The following DYNC2H1 variants were observed in gnomAD, a reference collection of about 807,000 sequenced individuals.
DYNC2H1 encodes the protein cytoplasmic dynein 2 heavy chain 1.
A neutral mutation model predicts 570.0 loss-of-function variants in DYNC2H1; 410 were observed. The observed-to-expected ratio is 0.72, with a 90% CI of 0.66 to 0.78. DYNC2H1 has a LOEUF of 0.78. Ranked by LOEUF, DYNC2H1 falls within the 30% of genes least tolerant of loss-of-function variation. The pLI, the probability that DYNC2H1 is intolerant of heterozygous loss-of-function variation, is 0.00. For missense variants in DYNC2H1, 4,865 were observed against 5,046.4 expected (o/e 0.96, Z 1.09); for synonymous variants, 1,688 against 1,677.6 (o/e 1.01, Z -0.15).
rs1239282490 is a variant in DYNC2H1 at position 103,461,943 on chromosome 11, TTAAATA to T, written c.12648+5591_12648+5596del. On this transcript the variant is annotated intron_variant, in intron 87 of 88. Coordinates refer to ENST00000375735, the MANE Select transcript of DYNC2H1 (RefSeq NM_001377.3). The surrounding 1 kb of genome is among the most constrained non-coding windows in gnomAD (Gnocchi z 4.8). ...TGTTTCTTTAAAAATATTTTTTTTC[TTAAATA>T]TAATGTATTATCACAAATATCAAAA... Among the ~76,000 whole-genome samples the T allele has an allele frequency of 2.0e-5, 3 of 152,090 alleles. No homozygotes were observed.
chr11:103,318,656 A>G (rs913253402), intron 80 of DYNC2H1, among the ~76,000 whole-genome samples: 9 of 152,112 alleles, frequency 5.9e-5, no homozygotes, highest in African/African-American at 2.2e-4. Flanking sequence ...TTGCTAGGCC[A>G]CAGGTTATGC....
intron 55 of DYNC2H1, 99 bp from the exon 56 acceptor site, chr11:103,219,816 T>G (rs1025271129): frequency 4.0e-6 from 3 of 750,970 alleles, no homozygotes; most frequent in African/African-American, 3.8e-5. Context: ...AGGAAACATT[T>G]AATAGAAAAT....
chr11:103,477,478 T>A (rs960468430), intron 88 of DYNC2H1, among the ~76,000 whole-genome samples: 1 of 152,216 alleles, frequency 6.6e-6, no homozygotes, highest in African/African-American at 2.4e-5. Flanking sequence ...GAACTCATGA[T>A]GTTTTTCTTT....
intron 83 of DYNC2H1, among the ~76,000 whole-genome samples, chr11:103,389,099 C>A (rs1942021971): frequency 1.3e-5 from 2 of 152,172 alleles, no homozygotes; most frequent in Non-Finnish European, 2.9e-5. Flanking sequence ...CCTTGTACCT[C>A]TGGTAGAATT....
Position 103,250,534 on chromosome 11 carries a change from A to G in DYNC2H1, c.10043-2751A>G, listed in dbSNP as rs570043294. ...TGGAATCCCACTATCTAATGTTACCATATTTCCCAAGTCTGTGCGTAGCCA... is the reference window on the plus strand; with the variant it reads ...TGGAATCCCACTATCTAATGTTACCGTATTTCCCAAGTCTGTGCGTAGCCA... On this transcript the variant is annotated intron_variant, in intron 65 of 88. Transcript: ENST00000375735. Among the ~76,000 whole-genome samples the G allele has an allele frequency of 2.1e-3, 324 of 152,170 alleles. 3 individuals are homozygous for G. The highest frequency in any genetic ancestry group is 3.9e-3 in the South Asian group (19 of 4,826).
rs140313374 is a variant in DYNC2H1, at chr11:103,367,659, G to A, written c.12156+9300G>A. Among the ~76,000 whole-genome samples the A allele has an allele frequency of 2.5e-3, 381 of 152,154 alleles. 1 individual carries two copies. The highest frequency in any genetic ancestry group is 0.016 in the South Asian group (77 of 4,816). On this transcript the variant is annotated intron_variant, in intron 83 of 88. Coordinates refer to ENST00000375735, the MANE Select transcript of DYNC2H1 (RefSeq NM_001377.3). ...GCTTTACTCACCCTATAGCTGTAGG[G>A]TACTGTAGCTATAGTCACCCTGCTG...
Position 103,307,750 on chromosome 11 carries a change from C to A in DYNC2H1, c.11412C>A (p.Thr3804=). ...KELNTLQPKD[T]FRLWLTAEVH... is the part of the protein sequence containing the mutation. ...TGAATACTCTTCAACCTAAAGATAC[C>A]TTTCGTCTTTGGCTCACTGCAGAAG... is the stretch of plus-strand genomic sequence containing the variant. Residue 3804 remains threonine, a synonymous_variant, in exon 78 of 89, where the codon ACC becomes ACA. Transcript: ENST00000375735. 3 of 1,603,050 alleles carry A rather than the reference C, an allele frequency of 1.9e-6. No homozygotes were observed. Among genetic ancestry groups the A allele is most frequent in the Non-Finnish European group, 2.6e-6 (3 of 1,174,094 alleles).
chr11:103,292,972 G>T (rs76635755), intron 75 of DYNC2H1, among the ~76,000 whole-genome samples: 1 of 152,134 alleles, frequency 6.6e-6, no homozygotes, highest in East Asian at 1.9e-4. Context: ...CTTACACACC[G>T]CAATTACAGT....
intron 81 of DYNC2H1, 75 bp from the exon 82 acceptor site, chr11:103,323,811 T>C: frequency 9.1e-7 from 1 of 1,099,400 alleles, no homozygotes; most frequent in South Asian, 1.6e-5. Flanking sequence ...TTTCAAAGTA[T>C]TCTTTCTTAT....
In DYNC2H1 at chr11:103,307,775, G is replaced by A. The variant is rs376847341; in HGVS notation, c.11437G>A (p.Val3813Ile). 2.9e-5 allele frequency: 47 copies of A among 1,606,478 alleles called. No homozygotes were observed. Among genetic ancestry groups the A allele is most frequent in the Non-Finnish European group, 3.8e-5 (45 of 1,176,084 alleles). ...DTFRLWLTAE[V>I]HPNFTPILLQ... ...CTTTCGTCTTTGGCTCACTGCAGAA[G>A]TTCATCCCAACTTTACTCCTATTTT... The change falls in exon 78 of 89, where the codon GTT (valine) becomes ATT (isoleucine). Residue 3813 changes from valine (V) to isoleucine (I), a missense_variant. Val to Ile is a conservative substitution (Grantham distance 29). Coordinates refer to ENST00000375735, the MANE Select transcript of DYNC2H1 (RefSeq NM_001377.3).
chr11:103,233,944 C>T, intron 60 of DYNC2H1, 90 bp from the exon 61 acceptor site: 1 of 1,270,192 alleles, frequency 7.9e-7, no homozygotes, highest in Non-Finnish European at 1.1e-6. Flanking sequence ...TAAATTATGG[C>T]ATAAAAGTTT....
Position 103,316,627 on chromosome 11 carries a change from T to C in DYNC2H1, c.11725+7T>C. On this transcript the variant is annotated splice_region_variant and intron_variant, in intron 80 of 88. Coordinates refer to ENST00000375735, the MANE Select transcript of DYNC2H1 (RefSeq NM_001377.3). ...ATTGACAGACTTTTTGATGGTAAGT[T>C]CTAACAAAAATTTTAATCTCATATT... 1 of 1,505,596 alleles carries C rather than the reference T, an allele frequency of 6.6e-7. No homozygotes were observed. The highest frequency in any genetic ancestry group is 8.9e-7 in the Non-Finnish European group (1 of 1,129,890). The allele number at this position is 1,505,596 out of a possible 1,614,324, so 93.3% of individuals were successfully genotyped here. A position where few individuals can be genotyped will look rare whatever the true frequency, so the allele number is the denominator to read the frequency against.
intron 75 of DYNC2H1, 29 bp downstream of exon 75, chr11:103,287,634 C>T: frequency 1.9e-6 from 3 of 1,551,410 alleles, no homozygotes; most frequent in Non-Finnish European, 2.6e-6. Context: ...AAGAACTAGA[C>T]CACTGACCTG....
intron 60 of DYNC2H1, among the ~76,000 whole-genome samples, chr11:103,233,070 G>A (rs1008282548): frequency 1.3e-5 from 2 of 151,972 alleles, no homozygotes; most frequent in African/African-American, 4.8e-5. Context: ...TGGTTCTAGA[G>A]TCTTATGTCT....
At chr11:103,242,199 A>G (rs72971565) in intron 63 of DYNC2H1, among the ~76,000 whole-genome samples, 7,542 of 152,250 alleles carry the variant, frequency 0.05, 251 homozygotes, top group Non-Finnish European at 0.071. Flanking sequence ...TATGATATAC[A>G]TACATGCATA....
chr11:103,126,310 C>T (rs989994826), intron 12 of DYNC2H1, among the ~76,000 whole-genome samples: 2 of 151,996 alleles, frequency 1.3e-5, no homozygotes, highest in Non-Finnish European at 2.9e-5. Context: ...ATTGGCATTC[C>T]TGTCCTGCAC....
rs1055624509 is a variant in DYNC2H1, at chr11:103,170,784, G to T, written c.5152-102G>T. The stretch of plus-strand genomic sequence containing the variant: ...TAAAATGAGCAAAAGAGGCATAGAT[G>T]GGATAAATTATCACCTTATCAATAA... On this transcript the variant is annotated intron_variant, in intron 33 of 88. Coordinates refer to ENST00000375735, the MANE Select transcript of DYNC2H1 (RefSeq NM_001377.3). This position sits in a 1 kb window ranked among gnomAD's most constrained non-coding sequence, Gnocchi z 4.8. The T allele has an allele frequency of 7.2e-6, 8 of 1,104,584 alleles. No individual in the cohort carries two copies. Among genetic ancestry groups the T allele is most frequent in the African/African-American group, 1.6e-5 (1 of 62,252 alleles). The allele number at this position is 1,104,584 out of a possible 1,614,324, so 68.4% of individuals were successfully genotyped here. A position where few individuals can be genotyped will look rare whatever the true frequency, so the allele number is the denominator to read the frequency against.
At chr11:103,260,216 C>A (rs527654861) in intron 70 of DYNC2H1, among the ~76,000 whole-genome samples, 1 of 152,166 alleles carries the variant, frequency 6.6e-6, no homozygotes, top group South Asian at 2.1e-4. Flanking sequence ...TCTAAATATT[C>A]CAGTGGTCAC....
intron 82 of DYNC2H1, among the ~76,000 whole-genome samples, chr11:103,339,625 C>G (rs898019910): frequency 1.6e-4 from 23 of 146,348 alleles, no homozygotes; most frequent in Admixed American, 2.9e-4. Flanking sequence ...ACTGCGTTGC[C>G]TGGAGTTGGG....
Sources: gnomAD v4.1 joint callset for allele counts (sites outside exome capture counted in the v4.1 genomes callset) on GRCh38, gnomAD v4.1.1 for gene constraint, Gnocchi (gnomAD v3.1) non-coding constraint, MANE v1.5 for transcripts, NCBI Gene and HGNC (gene_info 2026-07-23, HGNC 2026-07-21) for gene names.